CALCR: variants seen among roughly 807,000 people sequenced by gnomAD.
The protein encoded by CALCR is calcitonin receptor.
Under a neutral mutation model 59.5 loss-of-function variants are expected in CALCR, and 47 were observed. The ratio of observed to expected loss-of-function variants is 0.79; its 90% CI spans 0.63 to 1.01. The LOEUF is 1.01. Among genes scored for constraint, CALCR ranks in the 50% least tolerant of loss-of-function variants. The probability of loss-of-function intolerance (pLI) is 0.00; values close to 1 mark genes in which losing one functional copy is unlikely to be tolerated. For missense variants in CALCR, 566 were observed against 597.1 expected (o/e 0.95, Z 0.54); for synonymous variants, 213 against 211.3 (o/e 1.01, Z -0.07).
intron 3 of CALCR, among the ~76,000 whole-genome samples, chr7:93,481,946 A>G (rs963879012): frequency 1.3e-5 from 2 of 151,880 alleles, no homozygotes; most frequent in Non-Finnish European, 2.9e-5. Flanking sequence ...ATTGTGCCAG[A>G]TGCTGAGGAT....
At chr7:93,497,821 T>C (rs1245340019) in intron 2 of CALCR, among the ~76,000 whole-genome samples, 1 of 151,628 alleles carries the variant, frequency 6.6e-6, no homozygotes, top group African/African-American at 2.4e-5. Context: ...TTCACTGTTA[T>C]TTTTAAGCAC....
chr7:93,572,304 G>C (rs560478933), intron 2 of CALCR, among the ~76,000 whole-genome samples: 1 of 151,932 alleles, frequency 6.6e-6, no homozygotes, highest in Non-Finnish European at 1.5e-5. Context: ...ACATCAATGA[G>C]TTCTACCAAG....
intron 8 of CALCR, among the ~76,000 whole-genome samples, chr7:93,454,795 A>G (rs1191558693): frequency 6.6e-6 from 1 of 151,880 alleles, no homozygotes; most frequent in Non-Finnish European, 1.5e-5. Flanking sequence ...TAAGATTCTC[A>G]CCCTTGGCCA....
Position 93,427,906 on chromosome 7 carries a change from G to A in CALCR, c.1192-1317C>T, listed in dbSNP as rs528417990. ...TTTATCTTCACACAGCACAGCAACC[G>A]TAAGGTTCGAGGTGACAAATGGCAA... On this transcript the variant is annotated intron_variant, in intron 13 of 13. Coordinates refer to ENST00000426151, the MANE Select transcript of CALCR (RefSeq NM_001742.4). Among the ~76,000 whole-genome samples, 29 of 152,114 alleles carry A rather than the reference G, an allele frequency of 1.9e-4. No individual in the cohort carries two copies. The South Asian group carries it at 4.4e-3, about 23-fold the overall frequency.
intron 2 of CALCR, among the ~76,000 whole-genome samples, chr7:93,507,727 G>A (rs1353190240): frequency 3.9e-5 from 5 of 129,734 alleles, no homozygotes; most frequent in Admixed American, 1.7e-4. Context: ...CTAACATGGT[G>A]AAACCCCGTC....
At chr7:93,426,712 AG>A in intron 13 of CALCR, 123 bp from the exon 14 acceptor site, 1 of 602,110 alleles carries the variant, frequency 1.7e-6, no homozygotes, top group Non-Finnish European at 2.9e-6. Flanking sequence ...TCTGATCTAA[AG>A]GGCTGGGCTG....
At chr7:93,465,099 C>T (rs980434342) in intron 7 of CALCR, among the ~76,000 whole-genome samples, 9 of 151,836 alleles carry the variant, frequency 5.9e-5, no homozygotes, top group Admixed American at 1.3e-4. Context: ...ATTTAAAATA[C>T]CAATCAGAAA....
At chr7:93,531,964 G>C (rs1354303593) in intron 2 of CALCR, among the ~76,000 whole-genome samples, 8 of 151,548 alleles carry the variant, frequency 5.3e-5, no homozygotes, top group African/African-American at 1.7e-4. Flanking sequence ...TCATGAATGT[G>C]ATTAACATAT....
intron 8 of CALCR, among the ~76,000 whole-genome samples, chr7:93,453,851 A>G (rs1386679883): frequency 1.3e-5 from 2 of 152,052 alleles, no homozygotes; most frequent in Non-Finnish European, 2.9e-5. Context: ...GGAATAAAGA[A>G]ATCCTCTATA....
chr7:93,499,172 A>G (rs1315912096), intron 2 of CALCR, among the ~76,000 whole-genome samples: 1 of 151,746 alleles, frequency 6.6e-6, no homozygotes, highest in Non-Finnish European at 1.5e-5. Context: ...ACAAGATAGC[A>G]ATGTATAGAT....
Position 93,443,661 on chromosome 7 carries a change from CA to C in CALCR, c.744del (p.Ile248MetfsTer44). Reference protein sequence around the residue: ...LCEGIYLHTLIVVAVFTEKQR... With the variant: ...LCEGIYLHTLXVVAVFTEKQR... Reference sequence around the variant, plus strand: ...TGCTTCTCAGTAAACACAGCCACGACAATGAGTGTATGAAGATAGATCCCTT... The same window carrying C: ...TGCTTCTCAGTAAACACAGCCACGACATGAGTGTATGAAGATAGATCCCTT... On this transcript the variant is annotated frameshift_variant, in exon 9 of 14. Transcript: ENST00000426151. LOFTEE classifies it high-confidence loss of function. 6.2e-7 allele frequency: 1 copy of C among 1,613,412 alleles called. No homozygotes were observed. Among genetic ancestry groups the C allele is most frequent in the Non-Finnish European group, 8.5e-7 (1 of 1,179,528 alleles).
intron 8 of CALCR, among the ~76,000 whole-genome samples, chr7:93,447,369 A>AG (rs558192882): frequency 8.3e-4 from 127 of 152,180 alleles, no homozygotes; most frequent in Admixed American, 2.4e-3. Flanking sequence ...TACATAACAT[A>AG]GGAAATCTTG....
At chr7:93,570,718 G>A (rs922913118) in intron 2 of CALCR, among the ~76,000 whole-genome samples, 4 of 152,182 alleles carry the variant, frequency 2.6e-5, no homozygotes, top group African/African-American at 9.7e-5. Context: ...AGAGCTGCAG[G>A]CATAGACTAG....
chr7:93,519,712 C>T (rs914421330), intron 2 of CALCR, among the ~76,000 whole-genome samples: 1 of 151,942 alleles, frequency 6.6e-6, no homozygotes, highest in African/African-American at 2.4e-5. Context: ...AGGGAGAGAC[C>T]TGGTGGGAGG....
rs35762423 is a variant in CALCR, at chr7:93,496,252, C to A, written c.-26-9245G>T. Reference sequence around the variant, plus strand: ...TTTAGGAAATTAAGTCTTTCCTATTCTCTCAGAGATTTACTATAGACATTA... The same window carrying A: ...TTTAGGAAATTAAGTCTTTCCTATTATCTCAGAGATTTACTATAGACATTA... On this transcript the variant is annotated intron_variant, in intron 2 of 13. Transcript: ENST00000426151. 0.072 allele frequency among the ~76,000 whole-genome samples: 10,840 copies of A among 151,430 alleles called. 494 individuals are homozygous for A. The highest frequency in any genetic ancestry group is 0.098 in the Non-Finnish European group (6,601 of 67,568).
intron 13 of CALCR, among the ~76,000 whole-genome samples, chr7:93,429,047 G>A (rs1799593443): frequency 6.6e-6 from 1 of 152,174 alleles, no homozygotes; most frequent in Non-Finnish European, 1.5e-5. Context: ...CAAACGGTTT[G>A]ATTTCTATTT....
intron 2 of CALCR, among the ~76,000 whole-genome samples, chr7:93,570,962 C>T (rs1283679521): frequency 1.3e-5 from 2 of 152,118 alleles, no homozygotes; most frequent in African/African-American, 2.4e-5. Flanking sequence ...GATTATTCTC[C>T]AATGTTCTAT....
At chr7:93,445,137 A>G (rs1224228246) in intron 8 of CALCR, among the ~76,000 whole-genome samples, 1 of 152,106 alleles carries the variant, frequency 6.6e-6, no homozygotes, top group East Asian at 1.9e-4. Context: ...AGTGGTGCAG[A>G]TAATTAAAAA....
intron 8 of CALCR, among the ~76,000 whole-genome samples, chr7:93,454,479 T>TA (rs774040515): frequency 3.3e-5 from 5 of 151,750 alleles, no homozygotes; most frequent in East Asian, 1.9e-4. Flanking sequence ...CAGAACCAGA[T>TA]AAAAAAAATT....
Sources: allele counts gnomAD v4.1 joint callset (sites outside exome capture counted in the v4.1 genomes callset), GRCh38; gene constraint gnomAD v4.1.1; transcripts MANE v1.5; gene names NCBI Gene and HGNC (gene_info 2026-07-23, HGNC 2026-07-21).